The following ZSWIM5 variants were observed in gnomAD, a reference collection of about 807,000 sequenced individuals.
ZSWIM5 encodes the protein zinc finger SWIM domain-containing protein 5.
In ZSWIM5, 55 loss-of-function variants were observed where a neutral mutation model predicts 119.6. The observed-to-expected ratio is 0.46, with a 90% CI of 0.37 to 0.58. The LOEUF is 0.58. Among genes scored for constraint, ZSWIM5 ranks in the 20% least tolerant of loss-of-function variants. The pLI is 0.00. For missense variants in ZSWIM5, 1,193 were observed against 1,512.8 expected, an observed-to-expected ratio of 0.79 and a Z score of 3.51; for synonymous variants, 537 against 606.9, an observed-to-expected ratio of 0.88 and a Z score of 1.69.
chr1:45,089,751 T>C (rs1218339103), intron 1 of ZSWIM5, among the ~76,000 whole-genome samples: 2 of 152,192 alleles, frequency 1.3e-5, no homozygotes, highest in African/African-American at 2.4e-5. Flanking sequence ...GTGAGAGGAT[T>C]ACTTGAGGCC....
chr1:45,088,156 T>C lies in ZSWIM5; in HGVS notation c.677A>G (p.Asp226Gly), dbSNP rs746434808. 4 of 1,614,160 alleles carry C rather than the reference T, an allele frequency of 2.5e-6. No individual in the cohort carries two copies. Among genetic ancestry groups the C allele is most frequent in the African/African-American group, 2.7e-5 (2 of 75,040 alleles). ...AVTYKVAISF[D>G]RCKITSVTCG... ...TGTCACTGAGGTGATTTTGCATCGATCAAAACTGATTGCAACTTTATAAGT... is the reference window on the plus strand; with the variant it reads ...TGTCACTGAGGTGATTTTGCATCGACCAAAACTGATTGCAACTTTATAAGT... The change falls in exon 2 of 14, where the codon GAT becomes GGT. Residue 226 changes from aspartate (D) to glycine (G), a missense_variant. Asp to Gly is a moderately conservative substitution (Grantham distance 94, BLOSUM62 -1). Around this residue, in one of 2 missense-constraint regions of ZSWIM5, gnomAD observed 961 missense variants for 1,290.0 expected, o/e 0.74. Coordinates refer to ENST00000359600, the MANE Select transcript of ZSWIM5 (RefSeq NM_020883.2). This position sits in a 1 kb window ranked among gnomAD's most constrained non-coding sequence, Gnocchi z 4.2.
chr1:45,097,460 T>C (rs1420127106), intron 1 of ZSWIM5, among the ~76,000 whole-genome samples: 1 of 152,194 alleles, frequency 6.6e-6, no homozygotes, highest in Non-Finnish European at 1.5e-5. Context: ...GAGCTTATAT[T>C]CTAGTTTATA....
intron 2 of ZSWIM5, among the ~76,000 whole-genome samples, chr1:45,078,051 C>T (rs1374150926): frequency 6.6e-6 from 1 of 152,182 alleles, no homozygotes; most frequent in Non-Finnish European, 1.5e-5. Context: ...GACATACATC[C>T]TTCTTGGCTG....
At chr1:45,196,139 T>C (rs765321772) in intron 1 of ZSWIM5, among the ~76,000 whole-genome samples, 26 of 149,234 alleles carry the variant, frequency 1.7e-4, no homozygotes, top group Non-Finnish European at 3.0e-4. Flanking sequence ...CCTCCCAAAG[T>C]GCTGGGATTT....
Position 45,043,381 on chromosome 1 carries a change from G to C in ZSWIM5, c.1447C>G (p.Pro483Ala). The C allele has an allele frequency of 1.2e-6, 2 of 1,614,152 alleles. No homozygotes were observed. Among genetic ancestry groups the C allele is most frequent in the Non-Finnish European group, 1.7e-6 (2 of 1,180,034 alleles). ...AIHSPDSLSR[P>A]RRTVFTRAIE... The stretch of plus-strand genomic sequence containing the variant: ...GCTCTAGTGAATACTGTTCGTCTTG[G>C]TCTGGATAAGGAGTCTGGAGAAAGA... The change falls in exon 6 of 14, where the codon CCA becomes GCA. Residue 483 changes from proline (P) to alanine (A), a missense_variant. Physicochemically the swap from Pro to Ala is conservative, Grantham distance 27 (BLOSUM62 -1). Transcript: ENST00000359600.
intron 1 of ZSWIM5, among the ~76,000 whole-genome samples, chr1:45,108,329 G>A (rs1202721925): frequency 6.6e-6 from 1 of 151,772 alleles, no homozygotes; most frequent in Non-Finnish European, 1.5e-5. Context: ...TTATATCAAT[G>A]TTGGGAGGAC....
chr1:45,031,087 C>T (rs1049654660), intron 11 of ZSWIM5, among the ~76,000 whole-genome samples: 6 of 151,924 alleles, frequency 3.9e-5, no homozygotes, highest in East Asian at 1.9e-4. Flanking sequence ...CGTGAGCCAC[C>T]GTGCCCAGCC....
At chr1:45,096,556 A>ACG (rs1342306830) in intron 1 of ZSWIM5, among the ~76,000 whole-genome samples, 2 of 148,204 alleles carry the variant, frequency 1.3e-5, no homozygotes, top group African/African-American at 4.9e-5. Flanking sequence ...ACACACACGC[A>ACG]CACACACACA....
intron 1 of ZSWIM5, among the ~76,000 whole-genome samples, chr1:45,197,113 G>C (rs1029611739): frequency 2.0e-5 from 3 of 152,322 alleles, no homozygotes; most frequent in Admixed American, 2.0e-4. Context: ...AAGAAAGTTT[G>C]ACTCCTTTAT....
intron 1 of ZSWIM5, among the ~76,000 whole-genome samples, chr1:45,173,839 A>T (rs1161663731): frequency 6.6e-6 from 1 of 152,224 alleles, no homozygotes; most frequent in African/African-American, 2.4e-5. Context: ...ACACAGCTTT[A>T]AAAGACTGTA....
At chr1:45,028,137 C>T (rs1170913798) in intron 11 of ZSWIM5, among the ~76,000 whole-genome samples, 3 of 152,240 alleles carry the variant, frequency 2.0e-5, no homozygotes, top group Non-Finnish European at 4.4e-5. Context: ...AGGGGTGAGC[C>T]ACCACGCCTG....
intron 1 of ZSWIM5, among the ~76,000 whole-genome samples, chr1:45,167,987 G>T (rs1310722342): frequency 6.6e-6 from 1 of 152,076 alleles, no homozygotes; most frequent in African/African-American, 2.4e-5. Context: ...TATACCCAAA[G>T]GATTATAAAT....
chr1:45,034,931 AC>A (rs1281307166), intron 10 of ZSWIM5, among the ~76,000 whole-genome samples: 1 of 152,024 alleles, frequency 6.6e-6, no homozygotes, highest in African/African-American at 2.4e-5. Context: ...TCAGGTGTGC[AC>A]CAACATGCCT....
chr1:45,064,456 C>T (rs775113456), intron 2 of ZSWIM5, among the ~76,000 whole-genome samples: 3 of 152,112 alleles, frequency 2.0e-5, no homozygotes, highest in Non-Finnish European at 4.4e-5. Context: ...CACTAAGCAC[C>T]ACATAGGCAT....
At chr1:45,056,611 A>AG (rs963569616) in intron 4 of ZSWIM5, among the ~76,000 whole-genome samples, 1 of 752 alleles carries the variant, frequency 1.3e-3, no homozygotes, top group African/African-American at 3.7e-3. Flanking sequence ...ACTCTGTCTC[A>AG]AAAAAAAAAA....
intron 2 of ZSWIM5, chr1:45,070,381 G>C (rs1028779258): frequency 1.1e-5 from 15 of 1,427,096 alleles, no homozygotes; most frequent in Non-Finnish European, 1.5e-5. Context: ...TTCAGCTTCA[G>C]GTTAGGACAT....
intron 1 of ZSWIM5, among the ~76,000 whole-genome samples, chr1:45,095,216 C>G (rs1232596012): frequency 6.6e-6 from 1 of 151,934 alleles, no homozygotes; most frequent in Non-Finnish European, 1.5e-5. Flanking sequence ...CAGCCTCAAC[C>G]TCCTGGGCTC....
chr1:45,205,795 G>A lies in ZSWIM5; in HGVS notation c.556C>T (p.Leu186=), dbSNP rs752525889. The change falls in exon 1 of 14, where the codon CTG becomes TTG. Residue 186 remains leucine, a synonymous_variant. Transcript: ENST00000359600. ...TTCTCCACGGAGCCGCTGTCCAGCA[G>A]ACGGATGCCCCGGCGGAACGGGAGC... The part of the protein sequence containing the change: ...EGLPFRRGIR[L]LDSGSVENVL... 3 of 1,558,742 alleles carry A rather than the reference G, an allele frequency of 1.9e-6. No individual in the cohort carries two copies. The highest frequency in any genetic ancestry group is 1.7e-6 in the Non-Finnish European group (2 of 1,157,186).
At chr1:45,094,860 C>CAA (rs542730310) in intron 1 of ZSWIM5, among the ~76,000 whole-genome samples, 7 of 103,642 alleles carry the variant, frequency 6.8e-5, no homozygotes, top group Admixed American at 1.0e-4. Flanking sequence ...ACAAGGCAAG[C>CAA]AAAAAAAAAA....
Sources: allele counts gnomAD v4.1 joint callset (sites outside exome capture counted in the v4.1 genomes callset), GRCh38; gene constraint gnomAD v4.1.1; regional missense constraint gnomAD v4.1.1; non-coding constraint Gnocchi (gnomAD v3.1); transcripts MANE v1.5; gene names NCBI Gene and HGNC (gene_info 2026-07-23, HGNC 2026-07-21).